The following ARAP2 variants were observed in gnomAD, a reference collection of about 807,000 sequenced individuals.
ARAP2 encodes arf-GAP with Rho-GAP domain, ANK repeat and PH domain-containing protein 2.
In ARAP2, 148 loss-of-function variants were observed where a neutral mutation model predicts 194.5. The observed-to-expected ratio is 0.76, with a 90% CI of 0.67 to 0.87. The LOEUF (loss-of-function observed/expected upper bound fraction) is 0.87, where lower values mean the gene tolerates loss of function less well. Ranked by LOEUF, ARAP2 falls within the 40% of genes least tolerant of loss-of-function variation. ARAP2 has a pLI of 0.00. For synonymous variants in ARAP2, 695 were observed against 683.5 expected (o/e 1.02, Z -0.26); for missense variants, 2,128 against 1,989.7 (o/e 1.07, Z -1.32).
intron 5 of ARAP2, among the ~76,000 whole-genome samples, chr4:36,028,866 T>A (rs906022246): frequency 3.9e-5 from 6 of 152,062 alleles, no homozygotes; most frequent in African/African-American, 1.4e-4. Context: ...TACATTTGTA[T>A]AACAGAGATT....
chr4:36,166,363 C>T (rs1735287330), intron 10 of ARAP2, among the ~76,000 whole-genome samples: 1 of 151,906 alleles, frequency 6.6e-6, no homozygotes, highest in Non-Finnish European at 1.5e-5. Flanking sequence ...CATATTAATA[C>T]TTTAAATTAT....
At chr4:36,034,272 T>C (rs1719526712) in intron 5 of ARAP2, among the ~76,000 whole-genome samples, 1 of 152,170 alleles carries the variant, frequency 6.6e-6, no homozygotes, top group South Asian at 2.1e-4. Context: ...TTCCTATAAC[T>C]GAGCATGAAA....
chr4:36,009,469 A>T (rs1031867198), intron 9 of ARAP2, among the ~76,000 whole-genome samples: 3 of 152,094 alleles, frequency 2.0e-5, no homozygotes, highest in Non-Finnish European at 4.4e-5. Flanking sequence ...TTGGGTATAC[A>T]TGGTCTGGTC....
intron 2 of ARAP2, among the ~76,000 whole-genome samples, chr4:36,224,507 T>G (rs1171882495): frequency 6.6e-6 from 1 of 152,154 alleles, no homozygotes; most frequent in African/African-American, 2.4e-5. Flanking sequence ...GAATGAATTA[T>G]CATTACAGAA....
At chr4:36,242,054 A>C (rs766737609) in intron 1 of ARAP2, among the ~76,000 whole-genome samples, 2 of 152,228 alleles carry the variant, frequency 1.3e-5, no homozygotes, top group Non-Finnish European at 2.9e-5. Context: ...CAAGTGAGCA[A>C]AATGGTTTAA....
chr4:36,206,608 C>G (rs79771529), intron 6 of ARAP2, among the ~76,000 whole-genome samples: 140 of 152,352 alleles, frequency 9.2e-4, no homozygotes, highest in African/African-American at 3.2e-3. Flanking sequence ...CTTTCTCAAC[C>G]CTTGGTAACC....
intron 31 of ARAP2, 81 bp downstream of exon 31, chr4:36,080,135 C>T (rs1396491446): frequency 1.7e-6 from 2 of 1,170,736 alleles, no homozygotes; most frequent in African/African-American, 3.1e-5. Flanking sequence ...ATTAAAAATT[C>T]TTTAGAAATC....
chr4:36,085,634 C>T (rs1025716557), intron 28 of ARAP2, among the ~76,000 whole-genome samples: 9 of 152,046 alleles, frequency 5.9e-5, no homozygotes, highest in Admixed American at 5.9e-4. Flanking sequence ...TAACTCAAAT[C>T]CATTTTACTT....
chr4:36,134,177 T>G (rs1282620032), intron 19 of ARAP2, among the ~76,000 whole-genome samples: 1 of 151,716 alleles, frequency 6.6e-6, no homozygotes, highest in Admixed American at 6.6e-5. Context: ...AGGACAACAC[T>G]CAATAGACGT....
intron 25 of ARAP2, among the ~76,000 whole-genome samples, chr4:36,114,675 C>G (rs1437909419): frequency 1.3e-5 from 2 of 151,898 alleles, no homozygotes; most frequent in South Asian, 4.2e-4. Flanking sequence ...GTTTATTCAG[C>G]CTAGATTCTA....
intron 1 of ARAP2, among the ~76,000 whole-genome samples, chr4:36,242,773 G>A (rs1377460771): frequency 1.3e-5 from 2 of 152,004 alleles, no homozygotes; most frequent in African/African-American, 4.8e-5. Context: ...TACAGACGAA[G>A]GAAAAAATAC....
In ARAP2 at chr4:36,155,402, GC is replaced by G. The variant is rs1195915492; in HGVS notation, c.2752+3327del. On this transcript the variant is annotated intron_variant, in intron 15 of 32. Transcript: ENST00000303965. Reference sequence around the variant, plus strand: ...CCAGAGAGGCCTCACTAACTAGGGGGCACTGAATTGATTCCTGAATAAGAAG... The same window carrying G: ...CCAGAGAGGCCTCACTAACTAGGGGGACTGAATTGATTCCTGAATAAGAAG... Among the ~76,000 whole-genome samples the G allele has an allele frequency of 2.0e-5, 3 of 152,288 alleles. No homozygotes were observed. The East Asian group carries it at 5.8e-4, about 29-fold the overall frequency.
At position 36,150,957 on chromosome 4, in the gene ARAP2, T is replaced by C. The variant is rs781407049; in HGVS notation, c.2840A>G (p.Asn947Ser). 6.3e-5 allele frequency: 102 copies of C among 1,613,386 alleles called. No individual in the cohort carries two copies. The East Asian group carries it at 2.3e-3, about 36-fold the overall frequency. Residue 947 changes from asparagine to serine, a missense_variant, in exon 16 of 33, where the codon AAT (asparagine) becomes AGT (serine). Transcript: ENST00000303965. ...DKSTTPNGTI[N>S]INEVICLAIH... ...AGCCAGGCAGATAACTTCATTGATA[T>C]TAATGGTGCCATTAGGTGTGGTAGA...
chr4:36,153,992 G>A (rs968018610), intron 15 of ARAP2, among the ~76,000 whole-genome samples: 27 of 152,068 alleles, frequency 1.8e-4, no homozygotes, highest in South Asian at 6.2e-4. Flanking sequence ...TCAGAGCTGG[G>A]GAAGGAACTC....
intron 2 of ARAP2, among the ~76,000 whole-genome samples, chr4:36,215,663 C>A (rs1186907390): frequency 6.6e-6 from 1 of 152,142 alleles, no homozygotes; most frequent in Non-Finnish European, 1.5e-5. Context: ...AGGACTCTTA[C>A]AATCCAGTAA....
intron 4 of ARAP2, among the ~76,000 whole-genome samples, chr4:36,212,880 A>T (rs1747079210): frequency 6.6e-6 from 1 of 152,096 alleles, no homozygotes; most frequent in African/African-American, 2.4e-5. Flanking sequence ...ATTAAAATAT[A>T]TACATAATTG....
At chr4:36,198,928 A>G (rs4621449) in intron 6 of ARAP2, among the ~76,000 whole-genome samples, 136,460 of 152,160 alleles carry the variant, frequency 0.9, 61,325 homozygotes, top group East Asian at 1. Context: ...TCATAGCCAC[A>G]ACTTGGGCAT....
chr4:36,233,368 T>C (rs1325563032), intron 1 of ARAP2, among the ~76,000 whole-genome samples: 1 of 152,152 alleles, frequency 6.6e-6, no homozygotes, highest in Admixed American at 6.5e-5. Flanking sequence ...CTTCTGTACA[T>C]CAACAACTGC....
chr4:36,038,556 C>G (rs796646699), intron 5 of ARAP2, among the ~76,000 whole-genome samples: 3 of 152,298 alleles, frequency 2.0e-5, no homozygotes, highest in African/African-American at 7.2e-5. Flanking sequence ...ACTGTCTCTA[C>G]AGAGTTCCTC....
Sources: allele counts gnomAD v4.1 joint callset (sites outside exome capture counted in the v4.1 genomes callset), GRCh38; gene constraint gnomAD v4.1.1; transcripts MANE v1.5; gene names NCBI Gene and HGNC (gene_info 2026-07-23, HGNC 2026-07-21).